Variants in CCDC30 observed in about 807,000 individuals in gnomAD.
The protein encoded by CCDC30 is coiled-coil domain-containing protein 30.
A neutral mutation model predicts 100.2 loss-of-function variants in CCDC30; 70 were observed. The observed-to-expected ratio is 0.70, with a 90% CI of 0.58 to 0.85. The LOEUF (loss-of-function observed/expected upper bound fraction) is 0.85. CCDC30 is among the 40% of genes least tolerant of loss of function. The pLI is 0.00. For missense variants in CCDC30, 652 were observed against 771.2 expected, an observed-to-expected ratio of 0.85 and a Z score of 1.83; for synonymous variants, 233 against 269.5, an observed-to-expected ratio of 0.86 and a Z score of 1.33.
At chr1:42,556,642 A>T (rs1478361114) in intron 6 of CCDC30, among the ~76,000 whole-genome samples, 1 of 152,232 alleles carries the variant, frequency 6.6e-6, no homozygotes, top group Non-Finnish European at 1.5e-5. Flanking sequence ...TTTGTATTAC[A>T]AACAATCCAG....
chr1:42,562,359 G>C (rs1481735778), intron 6 of CCDC30, among the ~76,000 whole-genome samples: 2 of 152,132 alleles, frequency 1.3e-5, no homozygotes, highest in African/African-American at 4.8e-5. Context: ...ATGGGGAAAG[G>C]CTCTCCTATT....
chr1:42,532,578 C>T (rs1644822474), intron 6 of CCDC30, among the ~76,000 whole-genome samples: 1 of 152,132 alleles, frequency 6.6e-6, no homozygotes, highest in African/African-American at 2.4e-5. Context: ...TTCTAGGTGT[C>T]TAACAAACAT....
At chr1:42,622,401 G>A (rs1033706373) in intron 11 of CCDC30, among the ~76,000 whole-genome samples, 1 of 152,184 alleles carries the variant, frequency 6.6e-6, no homozygotes, top group African/African-American at 2.4e-5. Flanking sequence ...AAAAACATGG[G>A]AGTGCAGATA....
At chr1:42,544,980 A>G (rs750431456) in intron 6 of CCDC30, among the ~76,000 whole-genome samples, 8 of 152,008 alleles carry the variant, frequency 5.3e-5, no homozygotes, top group Admixed American at 2.6e-4. Context: ...GCAGCAATAT[A>G]TTTTTGTTTT....
chr1:42,476,733 CTTA>C (rs910353630), intron 1 of CCDC30, among the ~76,000 whole-genome samples: 4 of 93,064 alleles, frequency 4.3e-5, no homozygotes, highest in South Asian at 3.1e-4. Context: ...TGTTATTATA[CTTA>C]TTATTATATA....
intron 6 of CCDC30, among the ~76,000 whole-genome samples, chr1:42,562,673 C>T (rs141961423): frequency 0.013 from 1,952 of 152,172 alleles, 44 homozygotes; most frequent in African/African-American, 0.044. Context: ...AACAGGCAAC[C>T]TAGAGAATGG....
At chr1:42,495,952 T>C (rs1644225451) in intron 4 of CCDC30, among the ~76,000 whole-genome samples, 1 of 152,128 alleles carries the variant, frequency 6.6e-6, no homozygotes, top group African/African-American at 2.4e-5. Flanking sequence ...TTACCAACAA[T>C]AGATTGTTAA....
chr1:42,497,828 T>C (rs1329797646), intron 5 of CCDC30, among the ~76,000 whole-genome samples: 3 of 152,184 alleles, frequency 2.0e-5, no homozygotes, highest in Non-Finnish European at 4.4e-5. Flanking sequence ...TTTGCATTGC[T>C]GGTGAGAATC....
intron 6 of CCDC30, among the ~76,000 whole-genome samples, chr1:42,514,111 A>G (rs925922530): frequency 6.6e-6 from 1 of 152,222 alleles, no homozygotes; most frequent in African/African-American, 2.4e-5. Flanking sequence ...TCCAAACTAT[A>G]TCAGATATAC....
At chr1:42,539,991 G>A (rs1236840017) in intron 6 of CCDC30, among the ~76,000 whole-genome samples, 2 of 151,820 alleles carry the variant, frequency 1.3e-5, no homozygotes, top group Admixed American at 1.3e-4. Flanking sequence ...TAGACTGAAA[G>A]GTTGCCTGTA....
chr1:42,594,989 T>C (rs1646256490), intron 10 of CCDC30: 1 of 151,364 alleles, frequency 6.6e-6, no homozygotes, highest in Non-Finnish European at 1.5e-5. Flanking sequence ...GCCAGCATCA[T>C]AGCTAAGTCT....
At chr1:42,607,403 G>A (rs552079271) in intron 10 of CCDC30, among the ~76,000 whole-genome samples, 4 of 152,154 alleles carry the variant, frequency 2.6e-5, no homozygotes, top group Non-Finnish European at 5.9e-5. Flanking sequence ...GAGACAGCAG[G>A]TGAGTTCCCA....
At chr1:42,542,158 C>G (rs1298679253) in intron 6 of CCDC30, among the ~76,000 whole-genome samples, 1 of 152,170 alleles carries the variant, frequency 6.6e-6, no homozygotes, top group African/African-American at 2.4e-5. Context: ...AGAGTTGGTC[C>G]TGTTCCACAA....
chr1:42,456,109 A>G, the CCDC30 span: 3 of 807,372 alleles, frequency 3.7e-6, no homozygotes, highest in South Asian at 4.3e-5. Flanking sequence ...TCAAGGGCAG[A>G]GGGCGGCGGG....
chr1:42,493,124 G>T (rs189141360), intron 4 of CCDC30, among the ~76,000 whole-genome samples: 1 of 152,046 alleles, frequency 6.6e-6, no homozygotes, highest in East Asian at 1.9e-4. Context: ...ATCAAGAAAG[G>T]ACTCAAAATA....
At chr1:42,509,580 G>A (rs1404222251) in intron 6 of CCDC30, among the ~76,000 whole-genome samples, 4 of 152,140 alleles carry the variant, frequency 2.6e-5, no homozygotes, top group African/African-American at 4.8e-5. Flanking sequence ...GTCATGTTCC[G>A]AAGGACATAA....
chr1:42,473,041 G>C lies in CCDC30; in HGVS notation c.-91-7420G>C, dbSNP rs16829578. 3,075 of 1,196,438 alleles carry C rather than the reference G, an allele frequency of 2.6e-3. 68 individuals are homozygous for C. The African/African-American group carries it at 0.042, about 16-fold the overall frequency. The allele number at this position is 1,196,438 out of a possible 1,614,324, so 74.1% of individuals were successfully genotyped here. A position where few individuals can be genotyped will look rare whatever the true frequency, so the allele number is the denominator to read the frequency against. On this transcript the variant is annotated intron_variant, in intron 1 of 16. Transcript: ENST00000668663. ...CTAGTACTCTAATAAGGAGACTAAG[G>C]TGGCACCCACATAGATATCTTGCAT...
At chr1:42,510,294 G>T (rs1644456698) in intron 6 of CCDC30, 1 of 230,522 alleles carries the variant, frequency 4.3e-6, no homozygotes, top group African/African-American at 2.3e-5. Flanking sequence ...GAGCTGCCTG[G>T]TTTTCAACCT....
chr1:42,631,409 C>T (rs1429058081), intron 11 of CCDC30, among the ~76,000 whole-genome samples: 1 of 152,204 alleles, frequency 6.6e-6, no homozygotes, highest in Non-Finnish European at 1.5e-5. Context: ...ACCACTAGGA[C>T]TGTGTTGGGT....
Sources: gnomAD v4.1 joint callset for allele counts (sites outside exome capture counted in the v4.1 genomes callset) on GRCh38, gnomAD v4.1.1 for gene constraint, MANE v1.5 for transcripts, NCBI Gene and HGNC (gene_info 2026-07-23, HGNC 2026-07-21) for gene names.